Variants in UBN2 observed in about 807,000 individuals in gnomAD.
The protein encoded by UBN2 is ubinuclein 2.
UBN2 carries 35 observed loss-of-function variants against 120.2 expected under a neutral mutation model. The observed-to-expected ratio is 0.29, with a 90% CI of 0.22 to 0.39. UBN2 has a LOEUF of 0.39. Ranked by LOEUF, UBN2 falls within the 10% of genes least tolerant of loss-of-function variation. The probability of loss-of-function intolerance (pLI) is 1.00; values close to 1 mark genes in which losing one functional copy is unlikely to be tolerated. For synonymous variants in UBN2, 661 were observed against 648.7 expected (o/e 1.02, Z -0.29); for missense variants, 1,693 against 1,663.2 (o/e 1.02, Z -0.31).
intron 9 of UBN2, among the ~76,000 whole-genome samples, 180 bp downstream of exon 9, chr7:139,272,620 G>A (rs371640607): frequency 6.6e-4 from 100 of 152,120 alleles, no homozygotes; most frequent in African/African-American, 2.3e-3. Context: ...TCCGCCTCCC[G>A]GGTTCAAGCC....
chr7:139,318,923 G>T, the UBN2 span, among the ~76,000 whole-genome samples: 2 of 152,056 alleles, frequency 1.3e-5, no homozygotes, highest in Non-Finnish European at 2.9e-5. Flanking sequence ...GGACTCTTGC[G>T]GGGGTGGTTC....
chr7:139,271,625 T>C (rs535335150), intron 8 of UBN2, among the ~76,000 whole-genome samples: 12 of 152,208 alleles, frequency 7.9e-5, no homozygotes, highest in African/African-American at 2.6e-4. Context: ...AAAAGTCTTA[T>C]AATATTTCTG....
chr7:139,305,589 C>T lies in UBN2; in HGVS notation c.*7753C>T, dbSNP rs2131094748. 1 of 152,278 alleles carries T rather than the reference C, an allele frequency of 6.6e-6. No individual in the cohort carries two copies. Among genetic ancestry groups the T allele is most frequent in the Middle Eastern group, 3.4e-3 (1 of 294 alleles). 9.4% of individuals were successfully genotyped at this position (152,278 alleles called of 1,614,324 possible). On this transcript the variant is annotated 3_prime_UTR_variant, in exon 18 of 18. Transcript: ENST00000473989. ...TGATAGTTCTACTTTTCAGTCTTTCCTGTGTATCTCCATTTCATAGTGCGT... is the reference window on the plus strand; with the variant it reads ...TGATAGTTCTACTTTTCAGTCTTTCTTGTGTATCTCCATTTCATAGTGCGT...
In UBN2 at chr7:139,231,720, G is replaced by T. The variant is rs1332217476; in HGVS notation, c.236G>T (p.Arg79Leu). The T allele has an allele frequency of 8.5e-7, 1 of 1,182,628 alleles. No homozygotes were observed. Among genetic ancestry groups the T allele is most frequent in the East Asian group, 4.1e-5 (1 of 24,148 alleles). The allele number at this position is 1,182,628 out of a possible 1,614,324, so 73.3% of individuals were successfully genotyped here. A position where few individuals can be genotyped will look rare whatever the true frequency, so the allele number is the denominator to read the frequency against. Residue 79 changes from arginine to leucine, a missense_variant, in exon 1 of 18, where the codon CGC becomes CTC. Arg to Leu is a moderately radical substitution (Grantham distance 102). Around this residue, in one of 5 missense-constraint regions of UBN2, gnomAD observed 663 missense variants for 591.2 expected, o/e 1.12. Transcript: ENST00000473989. ...CCGCTCCCCCAGCGCGAGGTCAGCC[G>T]CGCCGAGCCGCCCATGTCGCTGCAG... ...EKPLPQREVS[R>L]AEPPMSLQRE... is the part of the protein sequence containing the mutation.
At chr7:139,277,390 A>ATT in intron 12 of UBN2, 1 of 152,368 alleles carries the variant, frequency 6.6e-6, no homozygotes, top group Admixed American at 6.5e-5. Flanking sequence ...CCTTACTGAT[A>ATT]ACATAAATAG....
intron 12 of UBN2, chr7:139,277,711 C>A (rs576448867): frequency 6.6e-6 from 1 of 152,034 alleles, no homozygotes. Context: ...TATGTACATA[C>A]GTATATGTTT....
rs1798296980 is a variant in UBN2, at chr7:139,303,042, G to A, written c.*5206G>A. 1 of 152,168 alleles carries A rather than the reference G, an allele frequency of 6.6e-6. No homozygotes were observed. The highest frequency in any genetic ancestry group is 1.5e-5 in the Non-Finnish European group (1 of 68,032). The allele number at this position is 152,168 out of a possible 1,614,324, so 9.4% of individuals were successfully genotyped here. On this transcript the variant is annotated 3_prime_UTR_variant, in exon 18 of 18. Coordinates refer to ENST00000473989, the MANE Select transcript of UBN2 (RefSeq NM_173569.4). ...GTTAGCAACTGTCAACATGAAAAAT[G>A]TATCATATTTTCTTCTGGAAAATGA...
In UBN2 at chr7:139,284,548, T is replaced by A; in HGVS notation, c.3643T>A (p.Ser1215Thr). 1 of 1,612,340 alleles carries A rather than the reference T, an allele frequency of 6.2e-7. No individual in the cohort carries two copies. ...ACATAGACCATCCACTGCCTCAGGG[T>A]CTTCAGTGGTAACAGCCAGTGTGCA... Reference protein sequence around the residue: ...TPHRPSTASGSSVVTASVQST... With the variant: ...TPHRPSTASGTSVVTASVQST... Residue 1215 changes from serine (S) to threonine (T), a missense_variant, in exon 15 of 18, where the codon TCT becomes ACT. By Grantham distance (58) the Ser-to-Thr change is moderately conservative (BLOSUM62 1). Transcript: ENST00000473989.
At chr7:139,326,989 C>T in the UBN2 span, among the ~76,000 whole-genome samples, 1 of 152,188 alleles carries the variant, frequency 6.6e-6, no homozygotes, top group African/African-American at 2.4e-5. Flanking sequence ...AGGCACCCCG[C>T]ATCCTTTTAA....
intron 2 of UBN2, among the ~76,000 whole-genome samples, chr7:139,242,004 C>G (rs116899080): frequency 2.2e-4 from 34 of 151,886 alleles, no homozygotes; most frequent in South Asian, 6.2e-4. Flanking sequence ...GCTCCCCCCC[C>G]CAAAAAAAGT....
chr7:139,231,810 C>T lies in UBN2; in HGVS notation c.326C>T (p.Pro109Leu). Residue 109 changes from proline (P) to leucine (L), a missense_variant, in exon 1 of 18, where the codon CCG becomes CTG. Pro to Leu is a moderately conservative substitution (Grantham distance 98, BLOSUM62 -3). Transcript: ENST00000473989. ...CCGCTGCCCTTGCAGCCGCCCCCGCCGCGGGAGTCGGCTTCCCGGGCTGAG... is the reference window on the plus strand; with the variant it reads ...CCGCTGCCCTTGCAGCCGCCCCCGCTGCGGGAGTCGGCTTCCCGGGCTGAG... ...FPPLPLQPPP[P>L]RESASRAEQP... 6.9e-7 allele frequency: 1 copy of T among 1,445,222 alleles called. No homozygotes were observed. Among genetic ancestry groups the T allele is most frequent in the East Asian group, 3.0e-5 (1 of 33,128 alleles). The allele number at this position is 1,445,222 out of a possible 1,614,324, so 89.5% of individuals were successfully genotyped here. A position where few individuals can be genotyped will look rare whatever the true frequency, so the allele number is the denominator to read the frequency against.
At chr7:139,247,673 T>C (rs768104535) in intron 2 of UBN2, among the ~76,000 whole-genome samples, 28 of 152,236 alleles carry the variant, frequency 1.8e-4, no homozygotes, top group Non-Finnish European at 5.9e-5. Context: ...GCTTGGTATT[T>C]AAATATATAT....
In UBN2 at chr7:139,296,410, C is replaced by T. The variant is rs191363441; in HGVS notation, c.3995-1377C>T. Among the ~76,000 whole-genome samples the T allele has an allele frequency of 8.8e-4, 134 of 152,286 alleles. No individual in the cohort carries two copies. In the East Asian group the frequency reaches 0.017, roughly 20 times the overall value. ...GATTTGGCCTATGGGCTGTAGTTTG[C>T]CAAACCCTGGTCAAATTTGTTCCTT... On this transcript the variant is annotated intron_variant, in intron 17 of 17. Coordinates refer to ENST00000473989, the MANE Select transcript of UBN2 (RefSeq NM_173569.4).
At chr7:139,240,454 A>ATATATATATATATATATTT (rs371717591) in intron 2 of UBN2, among the ~76,000 whole-genome samples, 3 of 123,148 alleles carry the variant, frequency 2.4e-5, no homozygotes, top group African/African-American at 6.4e-5. Flanking sequence ...ATATATATAT[A>ATATATATATATATATATTT]TTTTTTTTTT....
intron 2 of UBN2, among the ~76,000 whole-genome samples, chr7:139,247,558 C>G (rs988984344): frequency 1.3e-5 from 2 of 152,186 alleles, no homozygotes; most frequent in African/African-American, 4.8e-5. Flanking sequence ...AGATAAGTTA[C>G]TTGTCCTTTC....
the UBN2 span, among the ~76,000 whole-genome samples, chr7:139,315,941 G>T: frequency 6.6e-6 from 1 of 151,954 alleles, no homozygotes; most frequent in East Asian, 1.9e-4. Context: ...GCCGGGCGTG[G>T]TGGCAGGCGC....
At chr7:139,279,428 A>G (rs1797538339) in intron 13 of UBN2, 68 bp downstream of exon 13, 1 of 1,281,690 alleles carries the variant, frequency 7.8e-7, no homozygotes, top group Non-Finnish European at 1.1e-6. Flanking sequence ...CCTAAGATGA[A>G]AAAGATGTAT....
chr7:139,281,976 C>T, intron 13 of UBN2, 29 bp from the exon 14 acceptor site: 7 of 1,608,720 alleles, frequency 4.4e-6, no homozygotes, highest in Non-Finnish European at 6.0e-6. Flanking sequence ...TAACAGTATT[C>T]TTAACAGCTT....
intron 15 of UBN2, among the ~76,000 whole-genome samples, chr7:139,285,609 A>G (rs1047978419): frequency 6.6e-6 from 1 of 152,192 alleles, no homozygotes; most frequent in Non-Finnish European, 1.5e-5. Flanking sequence ...TTGTATACCT[A>G]GAACATAGTA....
Sources: allele counts gnomAD v4.1 joint callset (sites outside exome capture counted in the v4.1 genomes callset), GRCh38; gene constraint gnomAD v4.1.1; regional missense constraint gnomAD v4.1.1; transcripts MANE v1.5; gene names NCBI Gene and HGNC (gene_info 2026-07-23, HGNC 2026-07-21).